Variants in SULF1 observed in about 807,000 individuals in gnomAD.
The protein encoded by SULF1 is sulfatase 1.
In SULF1, 46 loss-of-function variants were observed where a neutral mutation model predicts 110.5. The observed-to-expected ratio is 0.42, with a 90% confidence interval of 0.33 to 0.53. The LOEUF is 0.53. SULF1 is among the 20% of genes least tolerant of loss of function. SULF1 has a pLI of 0.12. For synonymous variants in SULF1, 371 were observed against 387.1 expected (o/e 0.96, Z 0.49); for missense variants, 941 against 1,094.2 (o/e 0.86, Z 1.98).
rs116162672 is a variant in SULF1, at chr8:69,629,742, G to A, written c.2284+63G>A. On this transcript the variant is annotated intron_variant, in intron 19 of 22. Coordinates refer to ENST00000402687, the MANE Select transcript of SULF1 (RefSeq NM_001128205.2). ...TGCAGAGACAGCGACTCATAACTTA[G>A]ATCAGAAATTCAGCATAAAATGAGG... 1,650 of 1,384,186 alleles carry A rather than the reference G, an allele frequency of 1.2e-3. 28 individuals carry two copies. In the East Asian group the frequency reaches 0.022, roughly 19 times the overall value. The allele number at this position is 1,384,186 out of a possible 1,614,324, so 85.7% of individuals were successfully genotyped here.
At chr8:69,545,618 C>T (rs1482391346) in intron 3 of SULF1, among the ~76,000 whole-genome samples, 1 of 152,084 alleles carries the variant, frequency 6.6e-6, no homozygotes, top group Non-Finnish European at 1.5e-5. Flanking sequence ...GACAAATGGA[C>T]ACCCACACTC....
chr8:69,638,149 A>G, intron 19 of SULF1: 1 of 219,370 alleles, frequency 4.6e-6, no homozygotes, highest in South Asian at 7.9e-5. Flanking sequence ...TTTCTTTTGT[A>G]CAAAGAATAA....
chr8:69,516,052 C>T (rs182850575), intron 3 of SULF1, among the ~76,000 whole-genome samples: 1 of 152,316 alleles, frequency 6.6e-6, no homozygotes, highest in Admixed American at 6.5e-5. Context: ...TCTGATCCCT[C>T]CAAAACTATC....
intron 22 of SULF1, 102 bp from the exon 23 acceptor site, chr8:69,658,403 C>G: frequency 1.2e-6 from 1 of 833,814 alleles, no homozygotes. Flanking sequence ...GAGTGTCATA[C>G]TTCTCATTGA....
intron 22 of SULF1, among the ~76,000 whole-genome samples, chr8:69,643,498 T>C (rs981805383): frequency 6.6e-6 from 1 of 152,228 alleles, no homozygotes; most frequent in African/African-American, 2.4e-5. Flanking sequence ...TCTGAAGAAT[T>C]TGAAATTTGA....
At chr8:69,499,915 A>G (rs1294528364) in intron 2 of SULF1, among the ~76,000 whole-genome samples, 1 of 151,944 alleles carries the variant, frequency 6.6e-6, no homozygotes, top group Non-Finnish European at 1.5e-5. Flanking sequence ...ACACCCAGCT[A>G]GTTTTTAAAT....
At chr8:69,526,921 G>A (rs1160592650) in intron 3 of SULF1, among the ~76,000 whole-genome samples, 1 of 152,094 alleles carries the variant, frequency 6.6e-6, no homozygotes, top group Non-Finnish European at 1.5e-5. Context: ...GTTTCACTCG[G>A]GTTACAGGAT....
At chr8:69,555,257 G>T (rs986206067) in intron 3 of SULF1, among the ~76,000 whole-genome samples, 2 of 152,146 alleles carry the variant, frequency 1.3e-5, no homozygotes, top group African/African-American at 4.8e-5. Flanking sequence ...CTGCCTCTGC[G>T]GGAGGCCAAG....
intron 8 of SULF1, among the ~76,000 whole-genome samples, chr8:69,600,191 C>T (rs1340176122): frequency 1.3e-5 from 2 of 152,090 alleles, no homozygotes; most frequent in Admixed American, 6.5e-5. Flanking sequence ...GTATTTGTGA[C>T]TACATTTAAT....
In SULF1 at chr8:69,616,369, G is replaced by A. The variant is rs185501371; in HGVS notation, c.1378-4666G>A. 4.5e-3 allele frequency among the ~76,000 whole-genome samples: 680 copies of A among 151,578 alleles called. 5 individuals are homozygous for A. The highest frequency in any genetic ancestry group is 6.9e-3 in the Non-Finnish European group (469 of 67,878). On this transcript the variant is annotated intron_variant, in intron 13 of 22. Transcript: ENST00000402687. ...CAAATAGCTGGGACTATAGGCATGC[G>A]CCGCCACCTGGCTAATTTTTGTTTC...
chr8:69,642,464 CACCA>C, intron 22 of SULF1: 1 of 907,726 alleles, frequency 1.1e-6, no homozygotes, highest in African/African-American at 1.8e-5. Context: ...ATCTGCCCCA[CACCA>C]ACCCTGTGTC....
chr8:69,470,693 C>T (rs1348970971), intron 1 of SULF1, among the ~76,000 whole-genome samples: 1 of 152,202 alleles, frequency 6.6e-6, no homozygotes, highest in Non-Finnish European at 1.5e-5. Context: ...ATGTCAGTTT[C>T]ATCAAAGCTC....
At chr8:69,592,047 C>T (rs1222816475) in intron 8 of SULF1, among the ~76,000 whole-genome samples, 3 of 152,048 alleles carry the variant, frequency 2.0e-5, no homozygotes, top group South Asian at 4.2e-4. Context: ...GGCTGTGGAG[C>T]GGGGAGGGAG....
chr8:69,527,838 T>A (rs1466684093), intron 3 of SULF1, among the ~76,000 whole-genome samples: 2 of 152,096 alleles, frequency 1.3e-5, no homozygotes, highest in Non-Finnish European at 2.9e-5. Flanking sequence ...TGAAAAATGA[T>A]GTTTAAATAA....
chr8:69,544,929 C>T (rs545002821), intron 3 of SULF1, among the ~76,000 whole-genome samples: 4 of 152,230 alleles, frequency 2.6e-5, no homozygotes, highest in African/African-American at 9.6e-5. Context: ...TACCACTTAA[C>T]CTCTTTCAGG....
intron 3 of SULF1, among the ~76,000 whole-genome samples, chr8:69,559,984 T>C (rs7013208): frequency 0.87 from 132,148 of 152,270 alleles, 57,766 homozygotes; most frequent in East Asian, 1. Context: ...TACTATTGCT[T>C]TTATGCCATC....
At chr8:69,633,030 A>G (rs1171637924) in intron 19 of SULF1, among the ~76,000 whole-genome samples, 1 of 152,068 alleles carries the variant, frequency 6.6e-6, no homozygotes, top group Non-Finnish European at 1.5e-5. Context: ...AAGAAAAAAA[A>G]AAAAGAAAAG....
chr8:69,642,644 A>G lies in SULF1; in HGVS notation c.2585+1803A>G, dbSNP rs1811570267. ...ATATTATAAATGGACCTACCTCTAA[A>G]TATTGACTTTACAGTTATTTTATGA... On this transcript the variant is annotated intron_variant, in intron 22 of 22. Transcript: ENST00000402687. Among the ~76,000 whole-genome samples, 3 of 152,278 alleles carry G rather than the reference A, an allele frequency of 2.0e-5. No homozygotes were observed. The South Asian group carries it at 6.2e-4, about 32-fold the overall frequency.
chr8:69,629,277 G>A (rs775786248), intron 18 of SULF1, among the ~76,000 whole-genome samples: 2 of 152,014 alleles, frequency 1.3e-5, no homozygotes, highest in African/African-American at 4.8e-5. Flanking sequence ...CAAGTGATCC[G>A]CCCACCTTAG....
Sources: allele counts gnomAD v4.1 joint callset (sites outside exome capture counted in the v4.1 genomes callset), GRCh38; gene constraint gnomAD v4.1.1; transcripts MANE v1.5; gene names NCBI Gene and HGNC (gene_info 2026-07-23, HGNC 2026-07-21).